Variants in INTS6 observed in about 807,000 individuals in gnomAD.
INTS6 encodes the protein integrator complex subunit 6, also known as DEAD box protein.
A neutral mutation model predicts 104.9 loss-of-function variants in INTS6; 16 were observed. That is an observed-to-expected ratio of 0.15 (90% CI 0.10 to 0.23). INTS6 has a LOEUF of 0.23. Ranked by LOEUF, INTS6 falls within the 10% of genes least tolerant of loss-of-function variation. The pLI is 1.00. For synonymous variants in INTS6, 324 were observed against 358.7 expected, an observed-to-expected ratio of 0.90 and a Z score of 1.09; for missense variants, 584 against 1,062.8, an observed-to-expected ratio of 0.55 and a Z score of 6.26.
intron 12 of INTS6, among the ~76,000 whole-genome samples, chr13:51,377,580 T>C (rs115767279): frequency 2.3e-4 from 35 of 152,250 alleles, no homozygotes; most frequent in African/African-American, 7.7e-4. Flanking sequence ...GACTGTCTTC[T>C]TATCCACTAC....
intron 3 of INTS6, chr13:51,449,421 C>T (rs781063613): frequency 2.2e-5 from 21 of 961,244 alleles, no homozygotes; most frequent in Non-Finnish European, 2.4e-5. Context: ...AAGGAAAATA[C>T]AGGTTTAAAT....
At chr13:51,449,862 A>ATT in intron 3 of INTS6, 1 of 985,408 alleles carries the variant, frequency 1.0e-6, no homozygotes, top group Non-Finnish European at 1.2e-6. Flanking sequence ...AAGAAAGTAC[A>ATT]TATTTACCTA....
At chr13:51,403,653 C>G (rs893576680) in intron 4 of INTS6, among the ~76,000 whole-genome samples, 1 of 145,662 alleles carries the variant, frequency 6.9e-6, no homozygotes, top group Non-Finnish European at 1.5e-5. Flanking sequence ...CTTGGAAGTT[C>G]TGCCAACTGG....
chr13:51,420,573 G>T (rs1362889990), intron 4 of INTS6, among the ~76,000 whole-genome samples: 2 of 151,972 alleles, frequency 1.3e-5, no homozygotes, highest in Non-Finnish European at 2.9e-5. Context: ...TCAACAGAAT[G>T]CAATAAAATA....
chr13:51,339,183 G>T, the INTS6 span: 9 of 152,192 alleles, frequency 5.9e-5, no homozygotes, highest in Non-Finnish European at 1.3e-4. Flanking sequence ...AATAATAAAT[G>T]AGGCAAGTCA....
intron 15 of INTS6, 37 bp from the exon 16 acceptor site, chr13:51,369,347 CAGT>C: frequency 6.4e-7 from 1 of 1,562,548 alleles, no homozygotes; most frequent in Non-Finnish European, 8.7e-7. Context: ...TTATGGGATC[CAGT>C]CTCAAAGCAT....
intron 13 of INTS6, 94 bp from the exon 14 acceptor site, chr13:51,374,890 A>G: frequency 2.4e-6 from 3 of 1,263,672 alleles, no homozygotes; most frequent in Admixed American, 2.2e-5. Flanking sequence ...GTGTTATTCT[A>G]GACAGTCTTC....
At chr13:51,431,411 G>C (rs1332957032) in intron 3 of INTS6, among the ~76,000 whole-genome samples, 1 of 152,122 alleles carries the variant, frequency 6.6e-6, no homozygotes, top group Non-Finnish European at 1.5e-5. Context: ...TTATGTCTGG[G>C]ATGAAGACTA....
intron 17 of INTS6, among the ~76,000 whole-genome samples, chr13:51,367,506 G>A (rs1322219936): frequency 1.3e-5 from 2 of 151,888 alleles, no homozygotes; most frequent in Admixed American, 6.6e-5. Flanking sequence ...AAAATTAAAG[G>A]TTATAAAATA....
intron 3 of INTS6, chr13:51,448,367 A>G (rs1273056893): frequency 6.6e-6 from 1 of 152,218 alleles, no homozygotes; most frequent in East Asian, 1.9e-4. Context: ...ATATCAGTAA[A>G]TGGTACTGAT....
At chr13:51,438,150 A>T (rs557893054) in intron 3 of INTS6, 1 of 152,336 alleles carries the variant, frequency 6.6e-6, no homozygotes, top group Admixed American at 6.5e-5. Flanking sequence ...GGAGGAAACA[A>T]ATTTCTCTAA....
intron 4 of INTS6, among the ~76,000 whole-genome samples, chr13:51,412,516 C>A (rs1043427076): frequency 6.6e-6 from 1 of 152,162 alleles, no homozygotes; most frequent in African/African-American, 2.4e-5. Context: ...CATGCGGACA[C>A]AAAAGATGCA....
In INTS6 at chr13:51,435,699, A is replaced by G. The variant is rs192027634; in HGVS notation, c.340-5316T>C. Among the ~76,000 whole-genome samples, 15 of 152,204 alleles carry G rather than the reference A, an allele frequency of 9.9e-5. No individual in the cohort carries two copies. The East Asian group carries it at 2.9e-3, about 29-fold the overall frequency. Reference sequence around the variant, plus strand: ...GGAAAACAATTATTTTCACTTACCTAAGAAACTGAAAATGTAGTGGAGGAG... The same window carrying G: ...GGAAAACAATTATTTTCACTTACCTGAGAAACTGAAAATGTAGTGGAGGAG... On this transcript the variant is annotated intron_variant, in intron 3 of 17. Coordinates refer to ENST00000311234, the MANE Select transcript of INTS6 (RefSeq NM_012141.3).
rs1955593618 is a variant in INTS6, at chr13:51,362,275, T to C, written c.*3477A>G. On this transcript the variant is annotated 3_prime_UTR_variant, in exon 18 of 18. Coordinates refer to ENST00000311234, the MANE Select transcript of INTS6 (RefSeq NM_012141.3). ...TCATTTTAGAGTTTTTTCAGGTCAC[T>C]AGAGTACACCAGAGTAGTCCTCTTG... The C allele has an allele frequency of 2.9e-6, 1 of 339,538 alleles. No homozygotes were observed. The highest frequency in any genetic ancestry group is 5.3e-6 in the Non-Finnish European group (1 of 189,002). 21.0% of individuals were successfully genotyped at this position (339,538 alleles called of 1,614,324 possible).
At chr13:51,424,360 T>C (rs886986635) in intron 4 of INTS6, among the ~76,000 whole-genome samples, 1 of 151,922 alleles carries the variant, frequency 6.6e-6, no homozygotes, top group East Asian at 1.9e-4. Context: ...AGAGTCTTTC[T>C]TACTACATGA....
chr13:51,444,912 T>A (rs1488066904), intron 3 of INTS6: 1 of 151,180 alleles, frequency 6.6e-6, no homozygotes, highest in African/African-American at 2.4e-5. Flanking sequence ...GAAAATAAAA[T>A]CTGGGTTTGG....
At chr13:51,415,127 T>C (rs1391481429) in intron 4 of INTS6, among the ~76,000 whole-genome samples, 1 of 152,080 alleles carries the variant, frequency 6.6e-6, no homozygotes, top group Admixed American at 6.6e-5. Context: ...ATGAGAGTTT[T>C]TTTTTTTAAA....
chr13:51,407,343 T>C (rs778286936), intron 4 of INTS6, among the ~76,000 whole-genome samples: 1 of 152,224 alleles, frequency 6.6e-6, no homozygotes, highest in South Asian at 2.1e-4. Flanking sequence ...CTGAGCAACC[T>C]AGTAGACAAT....
At chr13:51,348,745 C>T in the INTS6 span, 3 of 271,328 alleles carry the variant, frequency 1.1e-5, no homozygotes, top group East Asian at 7.2e-5. Context: ...AGGAAATGCT[C>T]GTGGTTCCCT....
Sources: allele counts gnomAD v4.1 joint callset (sites outside exome capture counted in the v4.1 genomes callset), GRCh38; gene constraint gnomAD v4.1.1; transcripts MANE v1.5; gene names NCBI Gene and HGNC (gene_info 2026-07-23, HGNC 2026-07-21).